ITPR2: variants seen among roughly 807,000 people sequenced by gnomAD.
ITPR2 encodes the protein inositol 1,4,5-trisphosphate receptor type 2, also known as inositol 1,4,5-trisphosphate-gated calcium channel ITPR2.
Under a neutral mutation model 317.1 loss-of-function variants are expected in ITPR2, and 207 were observed. The ratio of observed to expected loss-of-function variants is 0.65; its 90% CI spans 0.58 to 0.73. The LOEUF (loss-of-function observed/expected upper bound fraction) is 0.73. Among genes scored for constraint, ITPR2 ranks in the 30% least tolerant of loss-of-function variants. ITPR2 has a pLI of 0.00. For synonymous variants in ITPR2, 1,156 were observed against 1,149.1 expected (o/e 1.01, Z -0.12); for missense variants, 2,613 against 3,284.0 (o/e 0.80, Z 4.99).
intron 1 of ITPR2, among the ~76,000 whole-genome samples, chr12:26,802,559 C>CTATATATAGATATAGATATAGATATATA (rs1434935029): frequency 7.5e-6 from 1 of 133,566 alleles, no homozygotes; most frequent in Admixed American, 7.6e-5. Flanking sequence ...ATATATATAT[C>CTATATATAGATATAGATATAGATATATA]TATATATAGA....
chr12:26,714,684 C>G (rs1195577982), intron 8 of ITPR2, among the ~76,000 whole-genome samples: 1 of 152,070 alleles, frequency 6.6e-6, no homozygotes, highest in Non-Finnish European at 1.5e-5. Context: ...TAGTAAATCT[C>G]TTGTTCATAG....
rs528673610 is a variant in ITPR2, at chr12:26,400,418, C to A, written c.7400-160G>T. Reference sequence around the variant, plus strand: ...ATATACATACAATAAATAAATATACCTAAATATACATAAAATAAAAGATAC... The same window carrying A: ...ATATACATACAATAAATAAATATACATAAATATACATAAAATAAAAGATAC... On this transcript the variant is annotated intron_variant, in intron 52 of 56. Transcript: ENST00000381340. 5.3e-5 allele frequency among the ~76,000 whole-genome samples: 8 copies of A among 151,062 alleles called. No individual in the cohort carries two copies. The South Asian group carries it at 1.7e-3, about 32-fold the overall frequency.
intron 26 of ITPR2, among the ~76,000 whole-genome samples, chr12:26,604,131 T>A (rs1307520398): frequency 1.3e-5 from 2 of 151,662 alleles, no homozygotes; most frequent in Non-Finnish European, 3.0e-5. Context: ...TTAATAAACA[T>A]CAAGAAAGAA....
chr12:26,657,598 A>G (rs1191246202), intron 18 of ITPR2, 109 bp downstream of exon 18: 1 of 810,266 alleles, frequency 1.2e-6, no homozygotes, highest in African/African-American at 1.7e-5. Context: ...TTCTGACATG[A>G]CTTTTAAAAT....
chr12:26,758,304 T>C (rs535847344), intron 2 of ITPR2, among the ~76,000 whole-genome samples: 123 of 152,340 alleles, frequency 8.1e-4, no homozygotes, highest in African/African-American at 2.9e-3. Flanking sequence ...ATATGAAAAT[T>C]TAGAAATAAC....
chr12:26,477,245 A>T (rs1180404217), intron 43 of ITPR2, among the ~76,000 whole-genome samples: 2 of 152,178 alleles, frequency 1.3e-5, no homozygotes, highest in Admixed American at 6.5e-5. Context: ...AATATTGGTG[A>T]AAAGGTACTT....
chr12:26,378,949 T>A (rs1939424995), intron 55 of ITPR2, among the ~76,000 whole-genome samples: 1 of 152,222 alleles, frequency 6.6e-6, no homozygotes, highest in Admixed American at 6.5e-5. Context: ...CCCTGCCCTG[T>A]GGACTGAATT....
chr12:26,602,744 T>C (rs750697027), intron 26 of ITPR2, 38 bp from the exon 27 acceptor site: 27 of 1,095,038 alleles, frequency 2.5e-5, no homozygotes, highest in Non-Finnish European at 3.5e-5. Context: ...ATGCCATTTG[T>C]AGCTTTGTGT....
chr12:26,604,480 C>T (rs754934687), intron 26 of ITPR2, among the ~76,000 whole-genome samples: 1 of 152,184 alleles, frequency 6.6e-6, no homozygotes, highest in Non-Finnish European at 1.5e-5. Flanking sequence ...ATCTCTTCTT[C>T]CTCTTCTCCC....
At chr12:26,645,435 G>C (rs1370693571) in intron 21 of ITPR2, among the ~76,000 whole-genome samples, 1 of 152,186 alleles carries the variant, frequency 6.6e-6, no homozygotes, top group Admixed American at 6.5e-5. Flanking sequence ...AGAAGGTGTA[G>C]GGAGAAAGGA....
intron 22 of ITPR2, among the ~76,000 whole-genome samples, chr12:26,631,547 C>T (rs1591980727): frequency 6.6e-6 from 1 of 152,108 alleles, no homozygotes; most frequent in Non-Finnish European, 1.5e-5. Flanking sequence ...TGAAATCCTT[C>T]TCAAATGAAG....
chr12:26,715,587 T>G, intron 7 of ITPR2, 142 bp from the exon 8 acceptor site: 1 of 856,708 alleles, frequency 1.2e-6, no homozygotes, highest in Non-Finnish European at 1.8e-6. Flanking sequence ...TTTAAACATT[T>G]AAAAATGTGG....
At chr12:26,567,997 T>TTATATATATTATATATATATATATATTA (rs1945045563) in intron 34 of ITPR2, among the ~76,000 whole-genome samples, 1 of 4,804 alleles carries the variant, frequency 2.1e-4, no homozygotes, top group Non-Finnish European at 2.3e-3. Context: ...TATATATATA[T>TTATATATATTATATATATATATATATTA]TATATATATT....
At chr12:26,828,353 A>G (rs978017040) in intron 1 of ITPR2, among the ~76,000 whole-genome samples, 5 of 152,260 alleles carry the variant, frequency 3.3e-5, no homozygotes, top group Admixed American at 1.3e-4. Context: ...ACTCCGAGGT[A>G]AAAAATAGGG....
intron 32 of ITPR2, among the ~76,000 whole-genome samples, chr12:26,591,351 C>A (rs1177434232): frequency 6.6e-6 from 1 of 152,106 alleles, no homozygotes; most frequent in African/African-American, 2.4e-5. Flanking sequence ...CATCATTGAT[C>A]ACAAGAGAAA....
intron 1 of ITPR2, 103 bp downstream of exon 1, chr12:26,832,587 C>G: frequency 1.2e-6 from 1 of 822,254 alleles, no homozygotes; most frequent in South Asian, 1.8e-5. Context: ...CCCGGCCGGG[C>G]CACCACGCGC....
At chr12:26,760,893 T>C (rs1284316782) in intron 2 of ITPR2, among the ~76,000 whole-genome samples, 2 of 152,224 alleles carry the variant, frequency 1.3e-5, no homozygotes, top group Non-Finnish European at 2.9e-5. Context: ...ATTTATAATC[T>C]ACATTCATAA....
At chr12:26,463,105 T>A (rs1942079533) in intron 45 of ITPR2, among the ~76,000 whole-genome samples, 1 of 152,200 alleles carries the variant, frequency 6.6e-6, no homozygotes, top group Non-Finnish European at 1.5e-5. Flanking sequence ...ACCTAAGTAT[T>A]TTTATATTGG....
At chr12:26,830,805 A>G (rs1187212101) in intron 1 of ITPR2, among the ~76,000 whole-genome samples, 1 of 152,206 alleles carries the variant, frequency 6.6e-6, no homozygotes, top group Non-Finnish European at 1.5e-5. Flanking sequence ...CACCAAGGCA[A>G]TGATAATTAC....
Sources: allele counts gnomAD v4.1 joint callset (sites outside exome capture counted in the v4.1 genomes callset), GRCh38; gene constraint gnomAD v4.1.1; transcripts MANE v1.5; gene names NCBI Gene and HGNC (gene_info 2026-07-23, HGNC 2026-07-21).